METTL16: variants seen among roughly 807,000 people sequenced by gnomAD.
METTL16 encodes methyltransferase 16, RNA N6-adenosine.
Under a neutral mutation model 57.9 loss-of-function variants are expected in METTL16, and 19 were observed. That is an observed-to-expected ratio of 0.33 (90% CI 0.23 to 0.48). METTL16 has a LOEUF of 0.48. Among genes scored for constraint, METTL16 ranks in the 20% least tolerant of loss-of-function variants. The pLI is 0.99. For synonymous variants in METTL16, 246 were observed against 255.6 expected (o/e 0.96, Z 0.36); for missense variants, 434 against 691.5 (o/e 0.63, Z 4.18).
Position 2,499,409 on chromosome 17 carries a change from C to T in METTL16, c.128+2795G>A, listed in dbSNP as rs79377564. Among the ~76,000 whole-genome samples, 694 of 147,020 alleles carry T rather than the reference C, an allele frequency of 4.7e-3. 30 individuals are homozygous for T. The East Asian group carries it at 0.11, about 24-fold the overall frequency. On this transcript the variant is annotated intron_variant, in intron 2 of 9. Transcript: ENST00000263092. ...GATTCAGACTCCTGGACTCAAGATC[C>T]TCTCACCTCAGCCTCTCATGTAGCT...
rs757438509 is a variant in METTL16 at position 2,420,132 on chromosome 17, T to G, written c.1527A>C (p.Gly509=). The change falls in exon 10 of 10, where the codon GGA becomes GGC. Residue 509 remains glycine (G), a synonymous_variant. Coordinates refer to ENST00000263092, the MANE Select transcript of METTL16 (RefSeq NM_024086.4). The surrounding 1 kb of genome is among the most constrained non-coding windows in gnomAD (Gnocchi z 5.4). ...ACTTAAACAGGTACTGTCCGGCCAC[T>G]CCTGGGAGACGTTTCCCCCTTTCAG... is the stretch of plus-strand genomic sequence containing the variant. ...PVAERGKRLP[G]VAGQYLFKCL... 2.5e-6 allele frequency: 4 copies of G among 1,614,242 alleles called. No homozygotes were observed. Among genetic ancestry groups the G allele is most frequent in the Non-Finnish European group, 3.4e-6 (4 of 1,180,052 alleles).
chr17:2,420,907 G>C lies in METTL16; in HGVS notation c.889-3C>G. On this transcript the variant is annotated splice_polypyrimidine_tract_variant and splice_region_variant and intron_variant, in intron 8 of 9. Coordinates refer to ENST00000263092, the MANE Select transcript of METTL16 (RefSeq NM_024086.4). The surrounding 1 kb of genome is among the most constrained non-coding windows in gnomAD (Gnocchi z 5.4). ...TTTCTTCGCTTACTTGGTGGTGACT[G>C]CAAGAAAAAGGAAGCATAGAAAAGA... 1 of 1,609,872 alleles carries C rather than the reference G, an allele frequency of 6.2e-7. No individual in the cohort carries two copies. Among genetic ancestry groups the C allele is most frequent in the Non-Finnish European group, 8.5e-7 (1 of 1,178,548 alleles).
rs899752603 is a variant in METTL16, at chr17:2,426,778, T to G, written c.889-5874A>C. Among the ~76,000 whole-genome samples, 4 of 139,666 alleles carry G rather than the reference T, an allele frequency of 2.9e-5. No homozygotes were observed. The East Asian group carries it at 6.2e-4, about 22-fold the overall frequency. The allele number at this position is 139,666 out of a possible 152,430, so 91.6% of individuals were successfully genotyped here. A position where few individuals can be genotyped will look rare whatever the true frequency, so the allele number is the denominator to read the frequency against. On this transcript the variant is annotated intron_variant, in intron 8 of 9. Coordinates refer to ENST00000263092, the MANE Select transcript of METTL16 (RefSeq NM_024086.4). ...GTAAAAATAGCAAGGGGAAGAAAAC[T>G]ATTGCAGAATGCTACCTATTTAAGA...
chr17:2,428,634 C>T (rs2066844344), intron 8 of METTL16, among the ~76,000 whole-genome samples: 2 of 131,280 alleles, frequency 1.5e-5, no homozygotes, highest in East Asian at 2.3e-4. Context: ...CAGTGGCTCA[C>T]ACCTGTAATC....
At chr17:2,440,539 G>A (rs1468251379) in intron 7 of METTL16, among the ~76,000 whole-genome samples, 5 of 151,390 alleles carry the variant, frequency 3.3e-5, no homozygotes, top group South Asian at 4.2e-4. Flanking sequence ...GAGCCACTGC[G>A]CCCAGCCCGA....
rs539705005 is a variant in METTL16, at chr17:2,492,441, C to T, written c.128+9763G>A. ...AGCAATCCTTGCCACCTTACTTATA[C>T]CAGGCTTAACAACAATATGAGCACC... On this transcript the variant is annotated intron_variant, in intron 2 of 9. Coordinates refer to ENST00000263092, the MANE Select transcript of METTL16 (RefSeq NM_024086.4). Among the ~76,000 whole-genome samples, 3 of 152,136 alleles carry T rather than the reference C, an allele frequency of 2.0e-5. No homozygotes were observed. The South Asian group carries it at 6.2e-4, about 32-fold the overall frequency.
chr17:2,459,582 C>CA (rs1378947626), intron 6 of METTL16, among the ~76,000 whole-genome samples: 9 of 152,202 alleles, frequency 5.9e-5, no homozygotes, highest in East Asian at 3.8e-4. Context: ...GGATAAGAAA[C>CA]AGATGGTAGG....
At chr17:2,464,431 A>C in intron 5 of METTL16, 81 bp from the exon 6 acceptor site, 1 of 1,346,416 alleles carries the variant, frequency 7.4e-7, no homozygotes, top group Non-Finnish European at 9.9e-7. Flanking sequence ...TCTAAGTTAG[A>C]ATGTTTAGTT....
chr17:2,431,667 T>C (rs2066875006), intron 8 of METTL16, among the ~76,000 whole-genome samples: 1 of 152,170 alleles, frequency 6.6e-6, no homozygotes, highest in African/African-American at 2.4e-5. Flanking sequence ...GCTTTTCATT[T>C]GCAGTTCTCT....
intron 8 of METTL16, among the ~76,000 whole-genome samples, chr17:2,433,212 G>C (rs1290702798): frequency 6.6e-6 from 1 of 152,220 alleles, no homozygotes; most frequent in African/African-American, 2.4e-5. Flanking sequence ...ACGTCAGAGG[G>C]AAGGATCAGA....
chr17:2,487,916 G>A (rs1289110561), intron 2 of METTL16, among the ~76,000 whole-genome samples: 2 of 151,910 alleles, frequency 1.3e-5, no homozygotes, highest in East Asian at 3.9e-4. Flanking sequence ...TGAGGCAGGA[G>A]GATCACTCAG....
intron 6 of METTL16, among the ~76,000 whole-genome samples, chr17:2,450,711 TCCTG>T (rs1254670118): frequency 6.6e-6 from 1 of 152,230 alleles, no homozygotes. Context: ...ATATTCTGTC[TCCTG>T]CTTTTCTCAC....
Position 2,490,710 on chromosome 17 carries a change from G to C in METTL16, c.128+11494C>G, listed in dbSNP as rs537418056. On this transcript the variant is annotated intron_variant, in intron 2 of 9. Coordinates refer to ENST00000263092, the MANE Select transcript of METTL16 (RefSeq NM_024086.4). ...AACACAGTGACAGCAATCACCAAAA[G>C]ATAGTGCTGCAGCTGTAGGGCTCAT... Among the ~76,000 whole-genome samples, 110 of 152,296 alleles carry C rather than the reference G, an allele frequency of 7.2e-4. 2 individuals carry two copies. The highest frequency in any genetic ancestry group is 2.5e-3 in the African/African-American group (104 of 41,554).
intron 2 of METTL16, among the ~76,000 whole-genome samples, chr17:2,494,764 C>T (rs2067428528): frequency 1.3e-5 from 2 of 151,936 alleles, no homozygotes; most frequent in South Asian, 2.1e-4. Flanking sequence ...CTTTGGGAGG[C>T]TGAGGCAGGC....
intron 8 of METTL16, among the ~76,000 whole-genome samples, chr17:2,422,304 G>A (rs1255447535): frequency 6.6e-6 from 1 of 150,706 alleles, no homozygotes; most frequent in African/African-American, 2.5e-5. Context: ...ACTCCAGTCT[G>A]GGCCTGGGCA....
At chr17:2,441,680 G>A (rs1482754220) in intron 6 of METTL16, 121 bp from the exon 7 acceptor site, 2 of 509,642 alleles carry the variant, frequency 3.9e-6, no homozygotes, top group Non-Finnish European at 6.5e-6. Flanking sequence ...GGTCACAAGT[G>A]AAAAATATCA....
At chr17:2,491,116 T>C (rs1340088785) in intron 2 of METTL16, among the ~76,000 whole-genome samples, 3 of 152,214 alleles carry the variant, frequency 2.0e-5, no homozygotes, top group Admixed American at 6.5e-5. Context: ...GTTAGCACTC[T>C]GGGACATTCA....
chr17:2,438,590 C>A (rs1473861711), intron 7 of METTL16, among the ~76,000 whole-genome samples: 1 of 152,148 alleles, frequency 6.6e-6, no homozygotes, highest in Admixed American at 6.5e-5. Flanking sequence ...CAACCTCCAC[C>A]TCCCAGATTC....
chr17:2,444,959 A>G (rs1353642737), intron 6 of METTL16, among the ~76,000 whole-genome samples: 1 of 151,788 alleles, frequency 6.6e-6, no homozygotes, highest in Non-Finnish European at 1.5e-5. Flanking sequence ...CAGGTGTTCC[A>G]CCCACTTAGG....
Sources: allele counts gnomAD v4.1 joint callset (sites outside exome capture counted in the v4.1 genomes callset), GRCh38; gene constraint gnomAD v4.1.1; non-coding constraint Gnocchi (gnomAD v3.1); transcripts MANE v1.5; gene names NCBI Gene and HGNC (gene_info 2026-07-23, HGNC 2026-07-21).